Variants in LARGE1 observed in about 807,000 individuals in gnomAD.
LARGE1 encodes the protein xylosyl- and glucuronyltransferase LARGE1.
In LARGE1, 43 loss-of-function variants were observed where a neutral mutation model predicts 87.6. The observed-to-expected ratio is 0.49, with a 90% CI of 0.38 to 0.63. The LOEUF (loss-of-function observed/expected upper bound fraction) is 0.63, where lower values mean the gene tolerates loss of function less well. Ranked by LOEUF, LARGE1 falls within the 30% of genes least tolerant of loss-of-function variation. LARGE1 has a pLI of 0.00. For synonymous variants in LARGE1, 434 were observed against 394.6 expected, an observed-to-expected ratio of 1.10 and a Z score of -1.18; for missense variants, 802 against 1,000.2, an observed-to-expected ratio of 0.80 and a Z score of 2.67.
At chr22:33,208,099 A>T (rs985998994) in intron 11 of LARGE1, among the ~76,000 whole-genome samples, 1 of 152,130 alleles carries the variant, frequency 6.6e-6, no homozygotes, top group Non-Finnish European at 1.5e-5. Context: ...TTAAGGCTCA[A>T]TGTTCTCCGT....
chr22:33,218,498 C>G (rs1033810973), intron 11 of LARGE1, among the ~76,000 whole-genome samples: 6 of 152,278 alleles, frequency 3.9e-5, no homozygotes, highest in African/African-American at 1.4e-4. Context: ...GTGGTCTCTT[C>G]CCTCTTCCAA....
chr22:33,534,161 T>C (rs1569245798), intron 6 of LARGE1, among the ~76,000 whole-genome samples: 1 of 151,888 alleles, frequency 6.6e-6, no homozygotes, highest in Non-Finnish European at 1.5e-5. Context: ...TCCCAGCACT[T>C]TGGGAGGCCG....
chr22:33,104,933 T>TTCTTTCTTTCTTTCTC, the LARGE1 span, among the ~76,000 whole-genome samples: 1 of 119,412 alleles, frequency 8.4e-6, no homozygotes, highest in African/African-American at 3.1e-5. Context: ...CTTTCTTTCT[T>TTCTTTCTTTCTTTCTC]TCTTTCTTTC....
rs906280225 is a variant in LARGE1, at chr22:33,381,598, C to G, written c.1131+321G>C. On this transcript the variant is annotated intron_variant, in intron 9 of 14. Transcript: ENST00000397394. ...TCTATAGCACCTGGCACAGAGTAGG[C>G]CCTCAATAAATGTTTTTGCTTGAGT... Among the ~76,000 whole-genome samples the G allele has an allele frequency of 1.3e-4, 20 of 152,108 alleles. 1 individual carries two copies. The highest frequency in any genetic ancestry group is 1.2e-3 in the South Asian group (6 of 4,822).
chr22:33,687,153 CTTT>C (rs958730572), intron 2 of LARGE1, among the ~76,000 whole-genome samples: 1 of 139,362 alleles, frequency 7.2e-6, no homozygotes, highest in Non-Finnish European at 1.6e-5. Flanking sequence ...CCACCTCTTC[CTTT>C]TTTTTTTTTT....
chr22:33,763,258 T>C (rs1056576658), intron 1 of LARGE1, among the ~76,000 whole-genome samples: 7 of 152,088 alleles, frequency 4.6e-5, no homozygotes, highest in African/African-American at 1.7e-4. Context: ...GTTCAGTGAG[T>C]TGCCAATAAT....
intron 6 of LARGE1, among the ~76,000 whole-genome samples, chr22:33,532,038 C>T (rs539420427): frequency 3.9e-5 from 6 of 152,252 alleles, no homozygotes; most frequent in East Asian, 1.9e-4. Context: ...ACTTAGATGC[C>T]GTAGTGGTGC....
chr22:33,284,563 T>C (rs1210511049), intron 12 of LARGE1, among the ~76,000 whole-genome samples: 3 of 151,910 alleles, frequency 2.0e-5, no homozygotes, highest in Admixed American at 2.0e-4. Context: ...GCCAAGCATT[T>C]AGTGCCATAT....
At chr22:33,911,321 T>C (rs1286581281) in intron 1 of LARGE1, among the ~76,000 whole-genome samples, 1 of 152,158 alleles carries the variant, frequency 6.6e-6, no homozygotes, top group African/African-American at 2.4e-5. Context: ...CTTCCAGCCT[T>C]GGTAGTCTCT....
At chr22:33,373,695 T>C (rs767446446) in intron 9 of LARGE1, among the ~76,000 whole-genome samples, 13 of 152,098 alleles carry the variant, frequency 8.5e-5, no homozygotes, top group Admixed American at 5.9e-4. Flanking sequence ...AATGTTTATC[T>C]TGGGTACGGT....
intron 5 of LARGE1, among the ~76,000 whole-genome samples, chr22:33,577,224 T>TA (rs2078381293): frequency 6.6e-6 from 1 of 152,134 alleles, no homozygotes; most frequent in Non-Finnish European, 1.5e-5. Context: ...AATCTCATGT[T>TA]AGAGGTTTAA....
chr22:33,526,143 C>A (rs149729521), intron 6 of LARGE1, among the ~76,000 whole-genome samples: 11 of 152,142 alleles, frequency 7.2e-5, no homozygotes, highest in African/African-American at 2.2e-4. Context: ...ATGGACTAAC[C>A]TTGAAAACAT....
chr22:33,375,941 T>C (rs2064978316), intron 9 of LARGE1, among the ~76,000 whole-genome samples: 2 of 152,176 alleles, frequency 1.3e-5, no homozygotes, highest in South Asian at 4.1e-4. Flanking sequence ...GAGATTACTA[T>C]GTGGTCAAAT....
intron 5 of LARGE1, among the ~76,000 whole-genome samples, chr22:33,566,983 C>G (rs894575246): frequency 6.6e-6 from 1 of 152,180 alleles, no homozygotes; most frequent in African/African-American, 2.4e-5. Flanking sequence ...CCCTGTCACC[C>G]TACACCCAGG....
intron 4 of LARGE1, among the ~76,000 whole-genome samples, chr22:33,621,879 C>T (rs1018917745): frequency 6.6e-6 from 1 of 152,206 alleles, no homozygotes; most frequent in Non-Finnish European, 1.5e-5. Flanking sequence ...TAAGCATACC[C>T]TGAGAATGAC....
chr22:33,874,252 C>T (rs1457826224), intron 1 of LARGE1, among the ~76,000 whole-genome samples: 2 of 152,136 alleles, frequency 1.3e-5, no homozygotes, highest in Non-Finnish European at 2.9e-5. Context: ...ACCACAGGCA[C>T]GCCTCACCTC....
intron 1 of LARGE1, among the ~76,000 whole-genome samples, chr22:33,858,770 C>T (rs916582173): frequency 6.6e-6 from 1 of 152,162 alleles, no homozygotes; most frequent in Non-Finnish European, 1.5e-5. Context: ...GCACTATTCA[C>T]AATAGCAAAG....
In LARGE1 at chr22:33,313,131, C is replaced by A. The variant is rs143487624; in HGVS notation, c.1451+2954G>T. 4.0e-3 allele frequency among the ~76,000 whole-genome samples: 607 copies of A among 152,224 alleles called. 13 individuals carry two copies. Among genetic ancestry groups the A allele is most frequent in the East Asian group, 0.036 (185 of 5,162 alleles). Reference sequence around the variant, plus strand: ...GCCTACCTGGCCATGTGTATTTGATCTCCTCTTTCTCCCTCCTACACCCTA... The same window carrying A: ...GCCTACCTGGCCATGTGTATTTGATATCCTCTTTCTCCCTCCTACACCCTA... On this transcript the variant is annotated intron_variant, in intron 11 of 14. Transcript: ENST00000397394.
chr22:33,757,046 A>G (rs548235274), intron 2 of LARGE1, among the ~76,000 whole-genome samples: 1 of 152,290 alleles, frequency 6.6e-6, no homozygotes, highest in Admixed American at 6.5e-5. Flanking sequence ...TGGGTTTAAG[A>G]ACTAAGGGGT....
Sources: gnomAD v4.1 joint callset for allele counts (sites outside exome capture counted in the v4.1 genomes callset) on GRCh38, gnomAD v4.1.1 for gene constraint, MANE v1.5 for transcripts, NCBI Gene and HGNC (gene_info 2026-07-23, HGNC 2026-07-21) for gene names.